The following FGD4 variants were observed in gnomAD, a reference collection of about 807,000 sequenced individuals.
The protein encoded by FGD4 is FYVE, RhoGEF and PH domain-containing protein 4.
In FGD4, 42 loss-of-function variants were observed where a neutral mutation model predicts 102.0. The ratio of observed to expected loss-of-function variants is 0.41; its 90% CI spans 0.32 to 0.53. FGD4 has a LOEUF of 0.53. Ranked by LOEUF, FGD4 falls within the 20% of genes least tolerant of loss-of-function variation. The pLI is 0.21. For missense variants in FGD4, 902 were observed against 1,078.2 expected (o/e 0.84, Z 2.29); for synonymous variants, 380 against 375.7 (o/e 1.01, Z -0.13).
chr12:32,574,012 G>A (rs10844248), intron 2 of FGD4, among the ~76,000 whole-genome samples: 21 of 151,876 alleles, frequency 1.4e-4, no homozygotes, highest in African/African-American at 4.8e-4. Context: ...TTATTTAATC[G>A]TACTCATTAC....
At chr12:32,605,885 GT>G (rs1948746982) in intron 7 of FGD4, among the ~76,000 whole-genome samples, 1 of 151,808 alleles carries the variant, frequency 6.6e-6, no homozygotes, top group South Asian at 2.1e-4. Flanking sequence ...CTAAATGATA[GT>G]GGCGATGGTG....
chr12:32,580,013 C>T (rs1022660487), intron 3 of FGD4, among the ~76,000 whole-genome samples: 2 of 152,210 alleles, frequency 1.3e-5, no homozygotes, highest in African/African-American at 4.8e-5. Context: ...TCCCCACCTC[C>T]CTTTATCCCG....
At chr12:32,451,286 C>T (rs1942767145) in intron 1 of FGD4, among the ~76,000 whole-genome samples, 1 of 152,046 alleles carries the variant, frequency 6.6e-6, no homozygotes, top group South Asian at 2.1e-4. Context: ...TTAGACAGCT[C>T]GTGATATGTT....
chr12:32,468,023 A>AT (rs1001779874), intron 1 of FGD4, among the ~76,000 whole-genome samples: 4 of 151,632 alleles, frequency 2.6e-5, no homozygotes, highest in Non-Finnish European at 4.4e-5. Flanking sequence ...CTCAAAAAAA[A>AT]TTTTTTTTAA....
At chr12:32,621,838 C>T (rs1027816458) in intron 11 of FGD4, among the ~76,000 whole-genome samples, 24 of 152,208 alleles carry the variant, frequency 1.6e-4, no homozygotes, top group African/African-American at 5.5e-4. Context: ...TTGACTGAGT[C>T]CTCACTCAGT....
intron 4 of FGD4, among the ~76,000 whole-genome samples, chr12:32,586,160 G>T (rs1947013661): frequency 6.6e-6 from 1 of 152,168 alleles, no homozygotes; most frequent in African/African-American, 2.4e-5. Flanking sequence ...ATGGGCTTTT[G>T]AATGCCTGTT....
At chr12:32,433,733 TA>T (rs1942130780) in intron 1 of FGD4, among the ~76,000 whole-genome samples, 1 of 152,236 alleles carries the variant, frequency 6.6e-6, no homozygotes, top group South Asian at 2.1e-4. Context: ...ATATCACTGT[TA>T]ATTGTTGCTT....
intron 1 of FGD4, among the ~76,000 whole-genome samples, chr12:32,536,702 G>A (rs1163536768): frequency 1.3e-5 from 2 of 152,160 alleles, no homozygotes; most frequent in Non-Finnish European, 2.9e-5. Flanking sequence ...AAACACTTAG[G>A]AGAAGAAAAA....
At chr12:32,486,527 G>A (rs1943905448) in intron 1 of FGD4, among the ~76,000 whole-genome samples, 2 of 151,980 alleles carry the variant, frequency 1.3e-5, no homozygotes, top group Admixed American at 6.6e-5. Flanking sequence ...TTTTTCACTT[G>A]TCTTCTTTCT....
chr12:32,467,379 T>C (rs575027853), intron 1 of FGD4, among the ~76,000 whole-genome samples: 11 of 152,288 alleles, frequency 7.2e-5, no homozygotes, highest in Non-Finnish European at 1.0e-4. Context: ...TACCCAACCA[T>C]TGGACAAGTC....
At chr12:32,516,235 C>T (rs1939864564) in intron 1 of FGD4, among the ~76,000 whole-genome samples, 3 of 152,128 alleles carry the variant, frequency 2.0e-5, no homozygotes, top group Admixed American at 2.0e-4. Context: ...TTTACTGCAG[C>T]CTTCACCTGC....
At chr12:32,529,807 C>T (rs1941619371) in intron 1 of FGD4, among the ~76,000 whole-genome samples, 1 of 146,472 alleles carries the variant, frequency 6.8e-6, no homozygotes, top group Admixed American at 6.9e-5. Context: ...TGAGCCACTT[C>T]ACTCCAGCAT....
chr12:32,572,190 C>T (rs1281122609), intron 2 of FGD4, among the ~76,000 whole-genome samples: 1 of 152,114 alleles, frequency 6.6e-6, no homozygotes, highest in Non-Finnish European at 1.5e-5. Flanking sequence ...TTTCATTTAG[C>T]TCTAGATATA....
At chr12:32,474,764 G>T (rs1943543738) in intron 1 of FGD4, among the ~76,000 whole-genome samples, 1 of 152,082 alleles carries the variant, frequency 6.6e-6, no homozygotes, top group African/African-American at 2.4e-5. Flanking sequence ...AATTTGCCAG[G>T]CATGGTGTCG....
rs1060501903 is a variant in FGD4, at chr12:32,611,191, A to G, written c.1657A>G (p.Ile553Val). The change falls in exon 10 of 17, where the codon ATT becomes GTT. Residue 553 changes from isoleucine to valine, a missense_variant. By Grantham distance (29) the Ile-to-Val change is conservative. Coordinates refer to ENST00000534526, the MANE Select transcript of FGD4 (RefSeq NM_001370298.3). ...TGAAATGTTGGGAGAAGAAGAAGAC[A>G]TTGTAAACCCTTCAAATGAACTAAT... ...IYEMLGEEED[I>V]VNPSNELIKE... 15 of 1,614,116 alleles carry G rather than the reference A, an allele frequency of 9.3e-6. No individual in the cohort carries two copies. The highest frequency in any genetic ancestry group is 5.5e-5 in the South Asian group (5 of 91,094).
chr12:32,563,205 G>A (rs972193176), intron 1 of FGD4, among the ~76,000 whole-genome samples: 1 of 152,028 alleles, frequency 6.6e-6, no homozygotes, highest in Non-Finnish European at 1.5e-5. Context: ...CTTCCCAGAG[G>A]GGGTGGCTGC....
chr12:32,612,401 C>T (rs1796505318), intron 10 of FGD4, among the ~76,000 whole-genome samples: 1 of 152,184 alleles, frequency 6.6e-6, no homozygotes, highest in Admixed American at 6.5e-5. Context: ...CGCAGCCTGC[C>T]AGGCCGAATG....
chr12:32,446,536 C>T (rs761712399), intron 1 of FGD4, among the ~76,000 whole-genome samples: 6 of 152,074 alleles, frequency 3.9e-5, no homozygotes, highest in Non-Finnish European at 7.4e-5. Context: ...TCCTTTCCTC[C>T]GGGTATAGGA....
chr12:32,603,032 A>G (rs1373797904), intron 7 of FGD4, among the ~76,000 whole-genome samples: 1 of 152,212 alleles, frequency 6.6e-6, no homozygotes, highest in Non-Finnish European at 1.5e-5. Flanking sequence ...ACTTCAGATT[A>G]TACTCACCTT....
Sources: gnomAD v4.1 joint callset for allele counts (sites outside exome capture counted in the v4.1 genomes callset) on GRCh38, gnomAD v4.1.1 for gene constraint, MANE v1.5 for transcripts, NCBI Gene and HGNC (gene_info 2026-07-23, HGNC 2026-07-21) for gene names.